TSR2: variants seen among roughly 807,000 people sequenced by gnomAD.
The protein encoded by TSR2 is TSR2 ribosome maturation factor, also known as pre-rRNA-processing protein TSR2 homolog.
A neutral mutation model predicts 13.3 loss-of-function variants in TSR2; 1 was observed. That is an observed-to-expected ratio of 0.08 (90% CI 0.03 to 0.36). The LOEUF (loss-of-function observed/expected upper bound fraction) is 0.36. Ranked by LOEUF, TSR2 falls within the 10% of genes least tolerant of loss-of-function variation. TSR2 has a pLI of 0.99. For synonymous variants in TSR2, 60 were observed against 57.7 expected, an observed-to-expected ratio of 1.04 and a Z score of -0.18; for missense variants, 120 against 151.1, an observed-to-expected ratio of 0.79 and a Z score of 1.08.
rs1226487472 is a variant in TSR2 at position 54,446,721 on chromosome X, C to CTT, written c.*2190_*2191dup. On this transcript the variant is annotated 3_prime_UTR_variant, in exon 5 of 5. Transcript: ENST00000375151. Reference sequence around the variant, plus strand: ...CTATGCTATTGCCCCTATCTGCATACTTTTTTTTTTTTTTTTTTTTGAGAC... The same window carrying CTT: ...CTATGCTATTGCCCCTATCTGCATACTTTTTTTTTTTTTTTTTTTTTTGAGAC... Among the ~76,000 whole-genome samples the CTT allele has an allele frequency of 9.8e-4, 86 of 87,668 alleles. No homozygotes were observed. The highest frequency in any genetic ancestry group is 3.4e-3 in the African/African-American group (78 of 23,027). The allele number at this position is 87,668 out of a possible 115,157, so 76.1% of individuals were successfully genotyped here. A position where few individuals can be genotyped will look rare whatever the true frequency, so the allele number is the denominator to read the frequency against.
rs780741710 is a variant in TSR2, at chrX:54,447,338, C to T, written c.*2788C>T. ...GAGGGGCTCCGTAGATATACAGCAC[C>T]AAGGGTTCATTTTCAGGGACCACGA... On this transcript the variant is annotated 3_prime_UTR_variant, in exon 5 of 5. Transcript: ENST00000375151. 3 of 1,210,458 alleles carry T rather than the reference C, an allele frequency of 2.5e-6. No homozygotes were observed. In the East Asian group the frequency reaches 8.9e-5, roughly 36 times the overall value.
rs1468817513 is a variant in TSR2, at chrX:54,446,210, G to A, written c.*1660G>A. 4 of 1,211,380 alleles carry A rather than the reference G, an allele frequency of 3.3e-6. No individual in the cohort carries two copies. Among genetic ancestry groups the A allele is most frequent in the African/African-American group, 3.5e-5 (2 of 57,902 alleles). On this transcript the variant is annotated 3_prime_UTR_variant, in exon 5 of 5. Coordinates refer to ENST00000375151, the MANE Select transcript of TSR2 (RefSeq NM_058163.3). Reference sequence around the variant, plus strand: ...ATCTCCCTGTCCTCAGACAGTGTGGGCCCCGGGCAGAACGTGTCCCCTCGG... The same window carrying A: ...ATCTCCCTGTCCTCAGACAGTGTGGACCCCGGGCAGAACGTGTCCCCTCGG...
At position 54,440,717 on chromosome X, in the gene TSR2, G is replaced by C; in HGVS notation, c.109G>C (p.Val37Leu). The C allele has an allele frequency of 8.3e-7, 1 of 1,210,037 alleles. No individual in the cohort carries two copies. Among genetic ancestry groups the C allele is most frequent in the Non-Finnish European group, 1.1e-6 (1 of 894,571 alleles). ...CGCTGTGGAGAATGGCTTCGGGGGT[G>C]TGCACAGCCAGGAGAAGGCCAAGTG... is the stretch of plus-strand genomic sequence containing the variant. ...QIAVENGFGG[V>L]HSQEKAKWLG... The change falls in exon 2 of 5, where the codon GTG (valine) becomes CTG (leucine). Residue 37 changes from valine to leucine, a missense_variant. Physicochemically the swap from Val to Leu is conservative, Grantham distance 32. This residue lies in a region of TSR2 where 53 missense variants were observed against 52.3 expected (regional missense o/e 1.01). Transcript: ENST00000375151.
chrX:54,447,322 C>T lies in TSR2; in HGVS notation c.*2772C>T, dbSNP rs769308984. ...AGTAGGATGCATACCTGAGGGGCTC[C>T]GTAGATATACAGCACCAAGGGTTCA... On this transcript the variant is annotated 3_prime_UTR_variant, in exon 5 of 5. Transcript: ENST00000375151. 1.2e-5 allele frequency: 15 copies of T among 1,210,466 alleles called. No individual in the cohort carries two copies. Among genetic ancestry groups the T allele is most frequent in the South Asian group, 1.8e-5 (1 of 56,804 alleles).
rs1922264480 is a variant in TSR2, at chrX:54,447,754, C to G, written c.*3204C>G. Reference sequence around the variant, plus strand: ...GCATTCATTCCTCAAGCCATTCACACATTTAGGCCTCATGCTTTTTTCTGT... The same window carrying G: ...GCATTCATTCCTCAAGCCATTCACAGATTTAGGCCTCATGCTTTTTTCTGT... On this transcript the variant is annotated 3_prime_UTR_variant, in exon 5 of 5. Transcript: ENST00000375151. 8.9e-6 allele frequency among the ~76,000 whole-genome samples: 1 copy of G among 112,398 alleles called. No individual in the cohort carries two copies. Among genetic ancestry groups the G allele is most frequent in the Non-Finnish European group, 1.9e-5 (1 of 53,309 alleles).
Position 54,447,474 on chromosome X carries a change from G to T in TSR2, c.*2924G>T. On this transcript the variant is annotated 3_prime_UTR_variant, in exon 5 of 5. Coordinates refer to ENST00000375151, the MANE Select transcript of TSR2 (RefSeq NM_058163.3). ...CTGTTTCTGTGGCCAGAGACACCGGGCATCAATGTTGACAGAAGGCCTAGC... is the reference window on the plus strand; with the variant it reads ...CTGTTTCTGTGGCCAGAGACACCGGTCATCAATGTTGACAGAAGGCCTAGC... 1.7e-6 allele frequency: 2 copies of T among 1,205,437 alleles called. No homozygotes were observed. The highest frequency in any genetic ancestry group is 2.2e-6 in the Non-Finnish European group (2 of 891,844).
rs1442443665 is a variant in TSR2 at position 54,440,678 on chromosome X, C to T, written c.82-12C>T. On this transcript the variant is annotated splice_polypyrimidine_tract_variant and intron_variant, in intron 1 of 4. Coordinates refer to ENST00000375151, the MANE Select transcript of TSR2 (RefSeq NM_058163.3). ...CCAAGCTGACTTGGTGGGCTTGGAC[C>T]TGTGTTTACAGATCGCTGTGGAGAA... The T allele has an allele frequency of 2.5e-6, 3 of 1,207,242 alleles. No homozygotes were observed. The highest frequency in any genetic ancestry group is 1.8e-5 in the South Asian group (1 of 56,575).
At chrX:54,443,720 C>T (rs181386781) in intron 3 of TSR2, among the ~76,000 whole-genome samples, 2 of 112,041 alleles carry the variant, frequency 1.8e-5, no homozygotes, top group African/African-American at 3.2e-5. Flanking sequence ...TTTTCACCCC[C>T]GCTCTGGTTA....
chrX:54,440,605 A>G (rs1921890704), intron 1 of TSR2, 85 bp from the exon 2 acceptor site: 22 of 1,131,064 alleles, frequency 1.9e-5, no homozygotes, highest in Non-Finnish European at 2.3e-5. Flanking sequence ...GCATAAGAGG[A>G]GTTGGCTGGG....
intron 2 of TSR2, among the ~76,000 whole-genome samples, chrX:54,442,699 A>G (rs1056919421): frequency 1.6e-4 from 18 of 111,987 alleles, no homozygotes; most frequent in African/African-American, 5.8e-4. Flanking sequence ...AAGGTGGCTC[A>G]GTCAGAGTCA....
In TSR2 at chrX:54,446,238, C is replaced by T. The variant is rs61734180; in HGVS notation, c.*1688C>T. On this transcript the variant is annotated 3_prime_UTR_variant, in exon 5 of 5. Transcript: ENST00000375151. ...CCGGGCAGAACGTGTCCCCTCGGCC[C>T]GCCCGGCCAAGCACAGCCATCCAGC... 1,132 of 1,210,669 alleles carry T rather than the reference C, an allele frequency of 9.4e-4. 5 individuals are homozygous for T. In the African/African-American group the frequency reaches 0.018, roughly 19 times the overall value.
rs1466462277 is a variant in TSR2 at position 54,447,808 on chromosome X, T to C, written c.*3258T>C. On this transcript the variant is annotated 3_prime_UTR_variant, in exon 5 of 5. Transcript: ENST00000375151. ...TCATCACATCCATTTCCTACACTCATTGAGAGGTAATCTAGCATTGTGGTT... is the reference window on the plus strand; with the variant it reads ...TCATCACATCCATTTCCTACACTCACTGAGAGGTAATCTAGCATTGTGGTT... Among the ~76,000 whole-genome samples the C allele has an allele frequency of 8.9e-6, 1 of 112,200 alleles. No homozygotes were observed. The highest frequency in any genetic ancestry group is 3.2e-5 in the African/African-American group (1 of 30,824).
In TSR2 at chrX:54,446,138, CG is replaced by C; in HGVS notation, c.*1594del. ...GTCTTGTCTCGGGTCTGGGGGGATT[CG>C]GGGGGTTCAGCAGTGGCTCCTAAAG... On this transcript the variant is annotated 3_prime_UTR_variant, in exon 5 of 5. Transcript: ENST00000375151. 1 of 1,210,177 alleles carries C rather than the reference CG, an allele frequency of 8.3e-7. No individual in the cohort carries two copies. Among genetic ancestry groups the C allele is most frequent in the Non-Finnish European group, 1.1e-6 (1 of 894,916 alleles).
In TSR2 at chrX:54,446,724, T is replaced by A. The variant is rs1170177626; in HGVS notation, c.*2174T>A. ...TGCTATTGCCCCTATCTGCATACTT[T>A]TTTTTTTTTTTTTTTTTGAGACAGA... On this transcript the variant is annotated 3_prime_UTR_variant, in exon 5 of 5. Coordinates refer to ENST00000375151, the MANE Select transcript of TSR2 (RefSeq NM_058163.3). 2.2e-5 allele frequency among the ~76,000 whole-genome samples: 2 copies of A among 90,421 alleles called. No individual in the cohort carries two copies. Among genetic ancestry groups the A allele is most frequent in the African/African-American group, 7.4e-5 (2 of 26,996 alleles). 78.5% of individuals were successfully genotyped at this position (90,421 alleles called of 115,157 possible).
rs1194981479 is a variant in TSR2 at position 54,445,416 on chromosome X, A to G, written c.*866A>G. On this transcript the variant is annotated 3_prime_UTR_variant, in exon 5 of 5. Transcript: ENST00000375151. ...AGCAGCCTGGTACTTTGGACAACCA[A>G]ACAGATGAACGAACGGAGCACAGCA... 9.0e-6 allele frequency: 1 copy of G among 110,935 alleles called. No homozygotes were observed. Among genetic ancestry groups the G allele is most frequent in the Admixed American group, 9.7e-5 (1 of 10,337 alleles). 9.1% of individuals were successfully genotyped at this position (110,935 alleles called of 1,213,427 possible).
Position 54,445,069 on chromosome X carries a change from C to G in TSR2, c.*519C>G, listed in dbSNP as rs1027459036. The G allele has an allele frequency of 9.0e-6, 1 of 111,077 alleles. No individual in the cohort carries two copies. The highest frequency in any genetic ancestry group is 3.3e-5 in the African/African-American group (1 of 30,425). The allele number at this position is 111,077 out of a possible 1,213,427, so 9.2% of individuals were successfully genotyped here. A position where few individuals can be genotyped will look rare whatever the true frequency, so the allele number is the denominator to read the frequency against. Reference sequence around the variant, plus strand: ...CCCACCCCACACACACGCAACAGCTCTGTACCCCTGCCCAGAACTTGGAAC... The same window carrying G: ...CCCACCCCACACACACGCAACAGCTGTGTACCCCTGCCCAGAACTTGGAAC... On this transcript the variant is annotated 3_prime_UTR_variant, in exon 5 of 5. Transcript: ENST00000375151.
In TSR2 at chrX:54,440,750, G is replaced by A. The variant is rs1205605922; in HGVS notation, c.142G>A (p.Gly48Ser). Reference sequence around the variant, plus strand: ...CCAGGAGAAGGCCAAGTGGCTGGGGGGTGCAGTGGAGGATTACTTCATGCG... The same window carrying A: ...CCAGGAGAAGGCCAAGTGGCTGGGGAGTGCAGTGGAGGATTACTTCATGCG... Reference protein sequence around the residue: ...HSQEKAKWLGGAVEDYFMRNA... With the variant: ...HSQEKAKWLGSAVEDYFMRNA... Residue 48 changes from glycine to serine, a missense_variant, in exon 2 of 5, where the codon GGT (glycine) becomes AGT (serine). By Grantham distance (56) the Gly-to-Ser change is moderately conservative (BLOSUM62 0). Around this residue, in one of 3 missense-constraint regions of TSR2, gnomAD observed 53 missense variants for 52.3 expected, o/e 1.01. Coordinates refer to ENST00000375151, the MANE Select transcript of TSR2 (RefSeq NM_058163.3). 2 of 1,202,599 alleles carry A rather than the reference G, an allele frequency of 1.7e-6. No homozygotes were observed. The highest frequency in any genetic ancestry group is 2.2e-5 in the Admixed American group (1 of 44,690).
At position 54,444,422 on chromosome X, in the gene TSR2, G is replaced by C; in HGVS notation, c.448G>C (p.Ala150Pro). ...TTTTAAATCTCCCCTCCAGGTCACAGCTACGAATGATGGGGCTGCTACAGA... is the reference window on the plus strand; with the variant it reads ...TTTTAAATCTCCCCTCCAGGTCACACCTACGAATGATGGGGCTGCTACAGA... ...VDSVEEMEVT[A>P]TNDGAATDGV... Residue 150 changes from alanine to proline, a missense_variant, in exon 5 of 5, where the codon GCT (alanine) becomes CCT (proline). Physicochemically the swap from Ala to Pro is conservative, Grantham distance 27 (BLOSUM62 -1). Transcript: ENST00000375151. 9 of 1,208,288 alleles carry C rather than the reference G, an allele frequency of 7.4e-6. No individual in the cohort carries two copies. The highest frequency in any genetic ancestry group is 1.0e-5 in the Non-Finnish European group (9 of 893,914).
In TSR2 at chrX:54,446,271, T is replaced by C; in HGVS notation, c.*1721T>C. On this transcript the variant is annotated 3_prime_UTR_variant, in exon 5 of 5. Transcript: ENST00000375151. ...CAAGCACAGCCATCCAGCGTCGCTG[T>C]AGTTCCTCTGTCTCAGGGCTGAAGT... The C allele has an allele frequency of 8.3e-7, 1 of 1,212,092 alleles. No homozygotes were observed. The highest frequency in any genetic ancestry group is 1.1e-6 in the Non-Finnish European group (1 of 895,570).
Sources: allele counts gnomAD v4.1 joint callset (sites outside exome capture counted in the v4.1 genomes callset), GRCh38; gene constraint gnomAD v4.1.1; regional missense constraint gnomAD v4.1.1; transcripts MANE v1.5; gene names NCBI Gene and HGNC (gene_info 2026-07-23, HGNC 2026-07-21).